The following LRP1B variants were observed in gnomAD, a reference collection of about 807,000 sequenced individuals.
LRP1B encodes low-density lipoprotein receptor-related protein 1B.
A neutral mutation model predicts 556.6 loss-of-function variants in LRP1B; 217 were observed. The observed-to-expected ratio is 0.39, with a 90% confidence interval of 0.35 to 0.44. The LOEUF (loss-of-function observed/expected upper bound fraction) is 0.44, where lower values mean the gene tolerates loss of function less well. LRP1B is among the 20% of genes least tolerant of loss of function. LRP1B has a pLI of 1.00. For missense variants in LRP1B, 5,053 were observed against 5,620.8 expected (o/e 0.90, Z 3.23); for synonymous variants, 2,047 against 1,865.8 (o/e 1.10, Z -2.50).
At chr2:140,915,328 C>T (rs1164234950) in intron 21 of LRP1B, among the ~76,000 whole-genome samples, 1 of 151,914 alleles carries the variant, frequency 6.6e-6, no homozygotes, top group African/African-American at 2.4e-5. Context: ...TAAGCTCCCA[C>T]AAGGATTAGG....
intron 86 of LRP1B, among the ~76,000 whole-genome samples, chr2:140,249,311 A>C (rs1681305365): frequency 1.3e-5 from 2 of 151,800 alleles, no homozygotes; most frequent in South Asian, 2.1e-4. Flanking sequence ...TAAATGAAGA[A>C]GATAAGGATA....
intron 17 of LRP1B, among the ~76,000 whole-genome samples, chr2:140,987,961 G>A (rs1480255468): frequency 2.0e-5 from 3 of 151,974 alleles, no homozygotes; most frequent in Non-Finnish European, 4.4e-5. Context: ...TCTAACTTGG[G>A]AGACAGAGCA....
intron 41 of LRP1B, among the ~76,000 whole-genome samples, chr2:140,603,584 C>T (rs568312886): frequency 6.6e-6 from 1 of 152,106 alleles, no homozygotes; most frequent in Non-Finnish European, 1.5e-5. Flanking sequence ...CTCTTCGTAA[C>T]TTTCTCTTGC....
At chr2:140,997,723 C>G (rs549524957) in intron 15 of LRP1B, among the ~76,000 whole-genome samples, 1 of 151,986 alleles carries the variant, frequency 6.6e-6, no homozygotes, top group East Asian at 1.9e-4. Context: ...TTTGGGCATC[C>G]AGATTCTCTT....
intron 1 of LRP1B, among the ~76,000 whole-genome samples, chr2:141,976,960 ATCT>A (rs942257960): frequency 2.0e-5 from 3 of 152,178 alleles, no homozygotes; most frequent in African/African-American, 7.2e-5. Context: ...TATGAATGAA[ATCT>A]TCTTATAATT....
chr2:140,323,866 G>GACAACTTCATAATATATTATAC, intron 81 of LRP1B, 27 bp downstream of exon 81: 1 of 1,151,020 alleles, frequency 8.7e-7, no homozygotes, highest in Non-Finnish European at 1.2e-6. Flanking sequence ...TACCAATATA[G>GACAACTTCATAATATATTATAC]ACAACTTCAT....
chr2:142,024,620 G>GTTTTT (rs3041443), intron 1 of LRP1B, among the ~76,000 whole-genome samples: 2 of 131,014 alleles, frequency 1.5e-5, no homozygotes, highest in East Asian at 2.2e-4. Context: ...CAGCTGAAAT[G>GTTTTT]TTTTTTTTTT....
intron 79 of LRP1B, among the ~76,000 whole-genome samples, chr2:140,333,170 T>C (rs1443060346): frequency 1.3e-5 from 2 of 152,056 alleles, no homozygotes; most frequent in African/African-American, 4.8e-5. Flanking sequence ...TAAAAAACTC[T>C]TTCCTCATAT....
At chr2:140,592,035 T>C (rs1682247962) in intron 43 of LRP1B, among the ~76,000 whole-genome samples, 1 of 152,188 alleles carries the variant, frequency 6.6e-6, no homozygotes, top group Non-Finnish European at 1.5e-5. Flanking sequence ...TGTGAAAATA[T>C]CTGACCACTT....
intron 60 of LRP1B, among the ~76,000 whole-genome samples, chr2:140,472,448 T>A (rs1348970402): frequency 6.6e-6 from 1 of 152,102 alleles, no homozygotes; most frequent in Non-Finnish European, 1.5e-5. Flanking sequence ...TTCATGTGAC[T>A]AAGATTGCAT....
intron 1 of LRP1B, among the ~76,000 whole-genome samples, chr2:142,051,739 T>G (rs1321604905): frequency 1.3e-5 from 2 of 152,240 alleles, no homozygotes; most frequent in African/African-American, 2.4e-5. Context: ...CCTCCCAAAG[T>G]GCTGGGATCA....
At chr2:141,817,605 A>G (rs1033684113) in intron 1 of LRP1B, among the ~76,000 whole-genome samples, 1 of 152,148 alleles carries the variant, frequency 6.6e-6, no homozygotes, top group Non-Finnish European at 1.5e-5. Flanking sequence ...ATCAAGATGA[A>G]CTGCTAATTT....
chr2:141,213,286 G>A (rs1573660730), intron 6 of LRP1B, among the ~76,000 whole-genome samples: 1 of 151,964 alleles, frequency 6.6e-6, no homozygotes, highest in East Asian at 1.9e-4. Flanking sequence ...AAATAAATAT[G>A]AGCGATACAT....
chr2:141,874,395 A>G (rs1271549490), intron 1 of LRP1B, among the ~76,000 whole-genome samples: 1 of 1,580 alleles, frequency 6.3e-4, no homozygotes, highest in Admixed American at 8.5e-3. Context: ...TGGTTGAATG[A>G]CAAACCAAAT....
chr2:141,667,820 T>C (rs756135641), intron 2 of LRP1B, among the ~76,000 whole-genome samples: 2 of 152,172 alleles, frequency 1.3e-5, no homozygotes, highest in Non-Finnish European at 2.9e-5. Context: ...CACCAGCATC[T>C]AGTACCTGCA....
chr2:142,110,141 G>C (rs1304954713), intron 1 of LRP1B, among the ~76,000 whole-genome samples: 4 of 152,000 alleles, frequency 2.6e-5, no homozygotes, highest in African/African-American at 9.7e-5. Context: ...ACATGTACTT[G>C]ATGTTATACA....
chr2:141,739,035 A>G (rs1319151707), intron 2 of LRP1B, among the ~76,000 whole-genome samples: 2 of 152,160 alleles, frequency 1.3e-5, no homozygotes, highest in South Asian at 2.1e-4. Flanking sequence ...AGGAATGTAA[A>G]TGAACATTTA....
At chr2:141,122,095 T>G (rs1170559138) in intron 7 of LRP1B, among the ~76,000 whole-genome samples, 8 of 152,116 alleles carry the variant, frequency 5.3e-5, no homozygotes, top group Non-Finnish European at 1.0e-4. Flanking sequence ...TATACAAAAA[T>G]TAATTCAAGA....
At chr2:140,792,495 T>C (rs1690157820) in intron 32 of LRP1B, among the ~76,000 whole-genome samples, 1 of 152,158 alleles carries the variant, frequency 6.6e-6, no homozygotes, top group Non-Finnish European at 1.5e-5. Context: ...CTAAATTCCA[T>C]ATATAATCGT....
Sources: allele counts gnomAD v4.1 joint callset (sites outside exome capture counted in the v4.1 genomes callset), GRCh38; gene constraint gnomAD v4.1.1; transcripts MANE v1.5; gene names NCBI Gene and HGNC (gene_info 2026-07-23, HGNC 2026-07-21).